Variants in COL21A1 observed in about 807,000 individuals in gnomAD.
COL21A1 encodes collagen type XXI alpha 1 chain.
Under a neutral mutation model 137.9 loss-of-function variants are expected in COL21A1, and 149 were observed. The ratio of observed to expected loss-of-function variants is 1.08; its 90% CI spans 0.95 to 1.24. COL21A1 has a LOEUF of 1.24. Among genes scored for constraint, COL21A1 ranks in the 50% most tolerant of loss-of-function variants. The probability of loss-of-function intolerance (pLI) is 0.00; values close to 1 mark genes in which losing one functional copy is unlikely to be tolerated. For synonymous variants in COL21A1, 456 were observed against 391.5 expected (o/e 1.16, Z -1.95); for missense variants, 1,167 against 1,158.4 (o/e 1.01, Z -0.11).
chr6:56,077,719 C>A (rs1767371420), intron 17 of COL21A1, 146 bp from the exon 18 acceptor site: 2 of 551,132 alleles, frequency 3.6e-6, no homozygotes, highest in Non-Finnish European at 6.3e-6. Context: ...TGTAATAATC[C>A]AATATGGAAA....
chr6:56,270,290 T>C (rs1763495777), intron 1 of COL21A1, among the ~76,000 whole-genome samples: 1 of 152,198 alleles, frequency 6.6e-6, no homozygotes, highest in African/African-American at 2.4e-5. Flanking sequence ...TAAAATAGAC[T>C]TTAAACTGAC....
chr6:56,102,471 T>C (rs1329107070), intron 16 of COL21A1, among the ~76,000 whole-genome samples: 3 of 152,266 alleles, frequency 2.0e-5, no homozygotes, highest in Admixed American at 2.0e-4. Flanking sequence ...AAGAACATTT[T>C]ATCCTAGATG....
At chr6:56,229,421 A>T (rs912624305) in intron 1 of COL21A1, among the ~76,000 whole-genome samples, 1 of 152,016 alleles carries the variant, frequency 6.6e-6, no homozygotes, top group Non-Finnish European at 1.5e-5. Flanking sequence ...ACATATTTTT[A>T]AACTTACATA....
chr6:56,097,064 A>G (rs1769389958), intron 17 of COL21A1, among the ~76,000 whole-genome samples: 2 of 152,192 alleles, frequency 1.3e-5, no homozygotes, highest in Admixed American at 6.5e-5. Flanking sequence ...GGAAGAAAAT[A>G]CAGACCAGAA....
intron 1 of COL21A1, among the ~76,000 whole-genome samples, chr6:56,225,440 C>G (rs915223288): frequency 6.6e-6 from 1 of 151,962 alleles, no homozygotes; most frequent in Non-Finnish European, 1.5e-5. Flanking sequence ...CCTTAAGTAG[C>G]TAAGTTCTCT....
At chr6:56,266,135 A>G (rs1259757149) in intron 1 of COL21A1, among the ~76,000 whole-genome samples, 1 of 152,236 alleles carries the variant, frequency 6.6e-6, no homozygotes, top group Non-Finnish European at 1.5e-5. Context: ...AATGCTGATG[A>G]CAAAAGACAG....
In COL21A1 at chr6:56,061,035, T is replaced by G; in HGVS notation, c.2208A>C (p.Arg736Ser). The G allele has an allele frequency of 6.3e-7, 1 of 1,576,414 alleles. No homozygotes were observed. Among genetic ancestry groups the G allele is most frequent in the Non-Finnish European group, 8.6e-7 (1 of 1,168,434 alleles). The part of the protein sequence containing the change: ...IQGHHGAKGE[R>S]GEKGEPGVRG... ...GGACACCAGGTTCTCCCTTTTCACC[T>G]CTCTAAAAGCAAAAGAAATCTTTAC... Residue 736 changes from arginine to serine, a missense_variant and splice_region_variant, in exon 26 of 30, where the codon AGA (arginine) becomes AGC (serine). Coordinates refer to ENST00000244728, the MANE Select transcript of COL21A1 (RefSeq NM_030820.4).
chr6:56,324,938 C>G (rs1764969430), intron 1 of COL21A1, among the ~76,000 whole-genome samples: 1 of 151,850 alleles, frequency 6.6e-6, no homozygotes, highest in East Asian at 1.9e-4. Flanking sequence ...CCTATATACA[C>G]AGTACTTTTA....
rs140982641 is a variant in COL21A1, at chr6:56,393,357, T to G, written c.-39+614A>C. Among the ~76,000 whole-genome samples the G allele has an allele frequency of 7.2e-3, 1,102 of 152,292 alleles. 44 individuals are homozygous for G. Among genetic ancestry groups the G allele is most frequent in the Admixed American group, 0.064 (972 of 15,300 alleles). On this transcript the variant is annotated intron_variant, in intron 1 of 28. Coordinates refer to the COL21A1 transcript ENST00000370819. Reference sequence around the variant, plus strand: ...GTACAAAAATCAAATCAAAATAGATTAAAGACTTAAATCTAAGACCTTGAA... The same window carrying G: ...GTACAAAAATCAAATCAAAATAGATGAAAGACTTAAATCTAAGACCTTGAA...
chr6:56,364,965 T>C (rs899810723), intron 1 of COL21A1, among the ~76,000 whole-genome samples: 3 of 152,142 alleles, frequency 2.0e-5, no homozygotes, highest in Admixed American at 6.5e-5. Flanking sequence ...TCTGTGAGCA[T>C]GTGTAAAATC....
In COL21A1 at chr6:56,057,681, C is replaced by T. The variant is rs376532958; in HGVS notation, c.2850G>A (p.Pro950=). Residue 950 remains proline, a synonymous_variant, in exon 30 of 30, where the codon CCG becomes CCA. Coordinates refer to ENST00000244728, the MANE Select transcript of COL21A1 (RefSeq NM_030820.4). ...LCFSVIARRD[P]FRKGPNY ...ACTAATAGTTTGGTCCTTTTCTGAA[C>T]GGATCTCTTCTGGCAATTACACTAA... is the stretch of plus-strand genomic sequence containing the variant. 3.0e-5 allele frequency: 49 copies of T among 1,613,010 alleles called. No homozygotes were observed. In the African/African-American group the frequency reaches 3.6e-4, roughly 12 times the overall value.
chr6:56,086,443 G>A (rs1360427166), intron 17 of COL21A1, among the ~76,000 whole-genome samples: 2 of 152,074 alleles, frequency 1.3e-5, no homozygotes, highest in Admixed American at 6.6e-5. Flanking sequence ...GATGTTATAT[G>A]TATTGTATAC....
At chr6:56,254,885 T>C (rs1389569327) in intron 1 of COL21A1, among the ~76,000 whole-genome samples, 1 of 152,108 alleles carries the variant, frequency 6.6e-6, no homozygotes, top group Non-Finnish European at 1.5e-5. Context: ...AGAAAAAGAA[T>C]CCTGTACTAC....
intron 10 of COL21A1, among the ~76,000 whole-genome samples, chr6:56,143,464 T>G (rs1417618020): frequency 6.6e-6 from 1 of 152,100 alleles, no homozygotes; most frequent in Non-Finnish European, 1.5e-5. Context: ...CCTCCCAAAG[T>G]GCTAGGATTA....
chr6:56,147,993 T>C (rs746926668), intron 10 of COL21A1, among the ~76,000 whole-genome samples: 5 of 152,178 alleles, frequency 3.3e-5, no homozygotes, highest in Non-Finnish European at 5.9e-5. Flanking sequence ...TAGGCTGTCT[T>C]CTGAGTTTTA....
intron 16 of COL21A1, among the ~76,000 whole-genome samples, chr6:56,102,636 C>T (rs918889950): frequency 1.6e-4 from 24 of 152,068 alleles, no homozygotes; most frequent in African/African-American, 5.8e-4. Flanking sequence ...TAATGAATTT[C>T]CCAAAATTAT....
In COL21A1 at chr6:56,223,667, A is replaced by G. The variant is rs185148838; in HGVS notation, c.-39+23720T>C. Among the ~76,000 whole-genome samples the G allele has an allele frequency of 2.1e-3, 313 of 152,190 alleles. 1 individual carries two copies. The highest frequency in any genetic ancestry group is 7.1e-3 in the African/African-American group (294 of 41,548). Reference sequence around the variant, plus strand: ...ATTTTAAAAAAAACATAAAAATTGTAAGCAATGTAGAATGATATTTGCATA... The same window carrying G: ...ATTTTAAAAAAAACATAAAAATTGTGAGCAATGTAGAATGATATTTGCATA... On this transcript the variant is annotated intron_variant, in intron 1 of 29. Coordinates refer to ENST00000244728, the MANE Select transcript of COL21A1 (RefSeq NM_030820.4).
Position 56,070,818 on chromosome 6 carries a change from A to G in COL21A1, c.1966-20T>C. On this transcript the variant is annotated intron_variant, in intron 20 of 29. Transcript: ENST00000244728. The stretch of plus-strand genomic sequence containing the variant: ...GCTTCCCTGTCAACACATCAAAAAC[A>G]TTGGAGTTTTTTAAAAACAATTCTG... 1 of 1,576,908 alleles carries G rather than the reference A, an allele frequency of 6.3e-7. No individual in the cohort carries two copies. The highest frequency in any genetic ancestry group is 8.6e-7 in the Non-Finnish European group (1 of 1,163,118).
intron 1 of COL21A1, among the ~76,000 whole-genome samples, chr6:56,304,743 T>C (rs562974216): frequency 6.6e-5 from 10 of 152,346 alleles, no homozygotes; most frequent in Admixed American, 3.3e-4. Context: ...TCAGTTCTGC[T>C]CTGATCTTAG....
Sources: gnomAD v4.1 joint callset for allele counts (sites outside exome capture counted in the v4.1 genomes callset) on GRCh38, gnomAD v4.1.1 for gene constraint, MANE v1.5 for transcripts, NCBI Gene and HGNC (gene_info 2026-07-23, HGNC 2026-07-21) for gene names.